Variants in JAZF1 observed in about 807,000 individuals in gnomAD.
JAZF1 encodes JAZF zinc finger 1.
JAZF1 carries 8 observed loss-of-function variants against 26.4 expected under a neutral mutation model. The ratio of observed to expected loss-of-function variants is 0.30; its 90% CI spans 0.18 to 0.55. The LOEUF is 0.55. Among genes scored for constraint, JAZF1 ranks in the 20% least tolerant of loss-of-function variants. The pLI, the probability that JAZF1 is intolerant of heterozygous loss-of-function variation, is 0.94. For missense variants in JAZF1, 199 were observed against 322.0 expected, an observed-to-expected ratio of 0.62 and a Z score of 2.92; for synonymous variants, 126 against 122.3, an observed-to-expected ratio of 1.03 and a Z score of -0.20.
intron 1 of JAZF1, among the ~76,000 whole-genome samples, chr7:28,177,884 T>C (rs1385140085): frequency 6.6e-6 from 1 of 152,240 alleles, no homozygotes; most frequent in Non-Finnish European, 1.5e-5. Context: ...GATATTTTTA[T>C]TCTTCTTAAG....
At chr7:28,167,359 G>C (rs1037879026) in intron 1 of JAZF1, among the ~76,000 whole-genome samples, 3 of 152,174 alleles carry the variant, frequency 2.0e-5, no homozygotes, top group Non-Finnish European at 2.9e-5. Context: ...ACAAAACACT[G>C]TGATATGTGC....
intron 2 of JAZF1, among the ~76,000 whole-genome samples, chr7:27,960,978 C>A (rs970346055): frequency 6.6e-6 from 1 of 152,106 alleles, no homozygotes; most frequent in Non-Finnish European, 1.5e-5. Flanking sequence ...TGAGAGCAGG[C>A]AGTGCAGAAG....
intron 3 of JAZF1, among the ~76,000 whole-genome samples, chr7:27,872,261 G>T (rs1379647851): frequency 6.6e-6 from 1 of 152,146 alleles, no homozygotes; most frequent in East Asian, 1.9e-4. Context: ...AAAAAAACAA[G>T]CTATTAACCA....
chr7:27,993,886 G>A (rs1785957388), intron 1 of JAZF1, among the ~76,000 whole-genome samples: 1 of 152,126 alleles, frequency 6.6e-6, no homozygotes, highest in Non-Finnish European at 1.5e-5. Flanking sequence ...GCACCGTTAG[G>A]AGTCTAAAAT....
intron 3 of JAZF1, among the ~76,000 whole-genome samples, chr7:27,874,707 C>A (rs1356839150): frequency 1.8e-4 from 1 of 5,516 alleles, no homozygotes; most frequent in African/African-American, 2.8e-3. Flanking sequence ...AACCACTGAA[C>A]CTTTAATCGA....
chr7:27,876,457 T>C (rs2128338808), intron 3 of JAZF1, among the ~76,000 whole-genome samples: 1 of 152,212 alleles, frequency 6.6e-6, no homozygotes, highest in African/African-American at 2.4e-5. Context: ...AGAGTGCACG[T>C]TTCCATTTTC....
intron 2 of JAZF1, among the ~76,000 whole-genome samples, chr7:27,907,748 C>G (rs1178665732): frequency 6.6e-6 from 1 of 152,122 alleles, no homozygotes; most frequent in East Asian, 1.9e-4. Context: ...GAGGAGGTCT[C>G]AAATAGGTAG....
At chr7:28,122,873 T>C (rs570671199) in intron 1 of JAZF1, among the ~76,000 whole-genome samples, 8 of 152,350 alleles carry the variant, frequency 5.3e-5, no homozygotes, top group Admixed American at 2.6e-4. Flanking sequence ...TTAACTGGAA[T>C]GATGGTTCCT....
At position 28,066,775 on chromosome 7, in the gene JAZF1, C is replaced by A. The variant is rs958602398; in HGVS notation, c.116-74794G>T. The stretch of plus-strand genomic sequence containing the variant: ...CCTAATGGCACCTTCCAGAGGGTGG[C>A]TGCTGCTGTTGATTTGATTGTTACT... On this transcript the variant is annotated intron_variant, in intron 1 of 4. Transcript: ENST00000283928. 1.1e-4 allele frequency among the ~76,000 whole-genome samples: 16 copies of A among 152,210 alleles called. No individual in the cohort carries two copies. In the East Asian group the frequency reaches 2.7e-3, roughly 26 times the overall value.
intron 1 of JAZF1, among the ~76,000 whole-genome samples, chr7:28,104,855 C>T (rs1052213410): frequency 6.6e-6 from 1 of 152,186 alleles, no homozygotes; most frequent in African/African-American, 2.4e-5. Flanking sequence ...CAAACAGTGC[C>T]TATTCTTTCT....
chr7:28,036,045 G>C (rs530789447), intron 1 of JAZF1, among the ~76,000 whole-genome samples: 7 of 152,298 alleles, frequency 4.6e-5, no homozygotes, highest in African/African-American at 1.2e-4. Context: ...CTCTCTATAA[G>C]TACATGTATG....
rs568816790 is a variant in JAZF1, at chr7:28,037,892, T to A, written c.116-45911A>T. Reference sequence around the variant, plus strand: ...TTATCACAGATGTCTCCAGGTAATATGTCTCCTCATAATTTCTACGTCAAA... The same window carrying A: ...TTATCACAGATGTCTCCAGGTAATAAGTCTCCTCATAATTTCTACGTCAAA... On this transcript the variant is annotated intron_variant, in intron 1 of 4. Transcript: ENST00000283928. Among the ~76,000 whole-genome samples, 4 of 152,334 alleles carry A rather than the reference T, an allele frequency of 2.6e-5. No homozygotes were observed. The East Asian group carries it at 5.8e-4, about 22-fold the overall frequency.
intron 2 of JAZF1, among the ~76,000 whole-genome samples, chr7:27,937,744 T>C (rs7808935): frequency 0.29 from 44,449 of 151,972 alleles, 7,752 homozygotes; most frequent in East Asian, 0.87. Flanking sequence ...TATACCTGAG[T>C]CAATAGAACT....
At chr7:28,113,338 G>A (rs1354852368) in intron 1 of JAZF1, among the ~76,000 whole-genome samples, 2 of 152,138 alleles carry the variant, frequency 1.3e-5, no homozygotes, top group Non-Finnish European at 2.9e-5. Flanking sequence ...CAACCCACGT[G>A]TCCCGACTCC....
chr7:28,023,121 G>C (rs1473556096), intron 1 of JAZF1, among the ~76,000 whole-genome samples: 1 of 152,232 alleles, frequency 6.6e-6, no homozygotes, highest in East Asian at 1.9e-4. Flanking sequence ...AACAACGTCT[G>C]TGAGGTTCAC....
At chr7:28,140,208 G>C (rs1025115143) in intron 1 of JAZF1, among the ~76,000 whole-genome samples, 1 of 151,486 alleles carries the variant, frequency 6.6e-6, no homozygotes, top group African/African-American at 2.4e-5. Flanking sequence ...TCAGCCTCCT[G>C]AGTAGCTGGG....
chr7:27,949,070 A>G (rs17156078), intron 2 of JAZF1, among the ~76,000 whole-genome samples: 16,284 of 152,128 alleles, frequency 0.11, 1,909 homozygotes, highest in East Asian at 0.41. Flanking sequence ...AGCTGCTCTC[A>G]TCAGTTACAC....
At chr7:27,868,374 C>T (rs1783517727) in intron 3 of JAZF1, among the ~76,000 whole-genome samples, 1 of 152,256 alleles carries the variant, frequency 6.6e-6, no homozygotes, top group Non-Finnish European at 1.5e-5. Context: ...CTCACCGCAA[C>T]TCCCTGTGGG....
intron 2 of JAZF1, among the ~76,000 whole-genome samples, chr7:27,898,590 C>T (rs1369663110): frequency 6.6e-6 from 1 of 152,078 alleles, no homozygotes; most frequent in African/African-American, 2.4e-5. Context: ...AGAACTCATA[C>T]CTCTTGTTGT....
Sources: allele counts gnomAD v4.1 joint callset (sites outside exome capture counted in the v4.1 genomes callset), GRCh38; gene constraint gnomAD v4.1.1; transcripts MANE v1.5; gene names NCBI Gene and HGNC (gene_info 2026-07-23, HGNC 2026-07-21).